Variants in SLC10A7 observed in about 807,000 individuals in gnomAD.
The protein encoded by SLC10A7 is sodium/bile acid cotransporter 7.
Under a neutral mutation model 43.2 loss-of-function variants are expected in SLC10A7, and 29 were observed. The ratio of observed to expected loss-of-function variants is 0.67; its 90% CI spans 0.50 to 0.92. The LOEUF (loss-of-function observed/expected upper bound fraction) is 0.92. SLC10A7 is among the 40% of genes least tolerant of loss of function. The pLI is 0.00. For missense variants in SLC10A7, 295 were observed against 403.2 expected, an observed-to-expected ratio of 0.73 and a Z score of 2.30; for synonymous variants, 152 against 144.8, an observed-to-expected ratio of 1.05 and a Z score of -0.35.
rs766088980 is a variant in SLC10A7, at chr4:146,521,601, A to G, written c.100+17T>C. ...AAGTGGGAGCCGCGGTGGAGCCGGCAGAGGTGCAGCACTTACCCCCATTCA... is the reference window on the plus strand; with the variant it reads ...AAGTGGGAGCCGCGGTGGAGCCGGCGGAGGTGCAGCACTTACCCCCATTCA... On this transcript the variant is annotated intron_variant, in intron 1 of 11. Coordinates refer to ENST00000335472, the MANE Select transcript of SLC10A7 (RefSeq NM_001029998.6). The G allele has an allele frequency of 5.0e-6, 8 of 1,602,974 alleles. No homozygotes were observed. Among genetic ancestry groups the G allele is most frequent in the Non-Finnish European group, 6.8e-6 (8 of 1,171,350 alleles).
At chr4:146,403,701 G>A (rs1199578618) in intron 5 of SLC10A7, among the ~76,000 whole-genome samples, 1 of 152,140 alleles carries the variant, frequency 6.6e-6, no homozygotes, top group African/African-American at 2.4e-5. Flanking sequence ...CAGCAAAGCA[G>A]TTATCATTGT....
intron 4 of SLC10A7, among the ~76,000 whole-genome samples, chr4:146,461,029 G>A (rs924267187): frequency 6.6e-6 from 1 of 151,910 alleles, no homozygotes; most frequent in South Asian, 2.1e-4. Flanking sequence ...AACTAAGAAA[G>A]ATTAAGCTTC....
chr4:146,279,112 G>A (rs1326483357), intron 10 of SLC10A7, among the ~76,000 whole-genome samples: 2 of 152,138 alleles, frequency 1.3e-5, no homozygotes, highest in African/African-American at 4.8e-5. Flanking sequence ...CAATTCAGAA[G>A]TACTTTTGGA....
chr4:146,490,763 TTCTA>T (rs1392991131), intron 4 of SLC10A7, among the ~76,000 whole-genome samples: 1 of 152,210 alleles, frequency 6.6e-6, no homozygotes, highest in African/African-American at 2.4e-5. Flanking sequence ...TATCATTTAA[TTCTA>T]TCCCCTCTTT....
intron 4 of SLC10A7, among the ~76,000 whole-genome samples, chr4:146,476,984 G>A (rs1219293880): frequency 1.3e-5 from 2 of 151,006 alleles, no homozygotes; most frequent in Non-Finnish European, 3.0e-5. Flanking sequence ...CCAGTTCTTT[G>A]TACAATAAGC....
intron 5 of SLC10A7, among the ~76,000 whole-genome samples, chr4:146,361,814 T>C (rs547072234): frequency 6.6e-6 from 1 of 152,250 alleles, no homozygotes; most frequent in Non-Finnish European, 1.5e-5. Context: ...AACAGCTGTC[T>C]TCAGGAAGCT....
At chr4:146,298,523 T>C (rs1343707440) in intron 7 of SLC10A7, among the ~76,000 whole-genome samples, 7 of 152,206 alleles carry the variant, frequency 4.6e-5, no homozygotes, top group Non-Finnish European at 1.5e-5. Context: ...ATATGCTTTT[T>C]TATTATTAAT....
chr4:146,375,068 T>C (rs563794296), intron 5 of SLC10A7, among the ~76,000 whole-genome samples: 1 of 152,190 alleles, frequency 6.6e-6, no homozygotes, highest in Admixed American at 6.5e-5. Context: ...TAACCAGGCA[T>C]GGTGGTGCAT....
chr4:146,439,281 C>G (rs149322109), intron 5 of SLC10A7, among the ~76,000 whole-genome samples: 2 of 151,962 alleles, frequency 1.3e-5, no homozygotes, highest in Non-Finnish European at 2.9e-5. Flanking sequence ...TAAATTAGAC[C>G]TGGGACATTA....
At chr4:146,377,256 G>T (rs1272448542) in intron 5 of SLC10A7, among the ~76,000 whole-genome samples, 3 of 152,186 alleles carry the variant, frequency 2.0e-5, no homozygotes, top group Non-Finnish European at 2.9e-5. Flanking sequence ...TAAAATCTCT[G>T]CATCCTTCAA....
chr4:146,510,133 G>C lies in SLC10A7; in HGVS notation c.184-84C>G, dbSNP rs958186854. On this transcript the variant is annotated intron_variant, in intron 2 of 11. Coordinates refer to ENST00000335472, the MANE Select transcript of SLC10A7 (RefSeq NM_001029998.6). ...TCCCTACTAAAATAACATCACATGA[G>C]TTAGTTCTTAATTTTGGGTTTTTTC... is the stretch of plus-strand genomic sequence containing the variant. 1.3e-4 allele frequency: 179 copies of C among 1,327,716 alleles called. 1 individual carries two copies. Among genetic ancestry groups the C allele is most frequent in the Middle Eastern group, 3.8e-4 (2 of 5,244 alleles). The allele number at this position is 1,327,716 out of a possible 1,614,324, so 82.2% of individuals were successfully genotyped here.
At chr4:146,398,838 C>G (rs1221883907) in intron 5 of SLC10A7, among the ~76,000 whole-genome samples, 1 of 152,184 alleles carries the variant, frequency 6.6e-6, no homozygotes, top group Non-Finnish European at 1.5e-5. Flanking sequence ...GGTTTTTGCT[C>G]TAGCTGAATC....
chr4:146,438,163 G>A (rs549815481), intron 5 of SLC10A7, among the ~76,000 whole-genome samples: 9 of 152,088 alleles, frequency 5.9e-5, no homozygotes, highest in African/African-American at 2.2e-4. Flanking sequence ...GGTAGTAACC[G>A]AGAACCAGCC....
intron 2 of SLC10A7, among the ~76,000 whole-genome samples, chr4:146,511,868 A>G (rs759680492): frequency 6.6e-6 from 1 of 152,072 alleles, no homozygotes; most frequent in Non-Finnish European, 1.5e-5. Flanking sequence ...AAATATACTC[A>G]GAGGCATTTG....
chr4:146,407,991 C>A (rs1414426223), intron 5 of SLC10A7, among the ~76,000 whole-genome samples: 1 of 152,124 alleles, frequency 6.6e-6, no homozygotes, highest in African/African-American at 2.4e-5. Context: ...CGTTTCTAAG[C>A]CAAATTCTGT....
chr4:146,343,072 T>C (rs1734377081), intron 5 of SLC10A7, among the ~76,000 whole-genome samples: 1 of 152,002 alleles, frequency 6.6e-6, no homozygotes, highest in South Asian at 2.1e-4. Context: ...TGCTTGTCAA[T>C]CAACTATTAT....
intron 5 of SLC10A7, among the ~76,000 whole-genome samples, chr4:146,374,593 A>T (rs575710205): frequency 1.8e-3 from 263 of 148,324 alleles, no homozygotes; most frequent in African/African-American, 4.3e-3. Context: ...TCTCAAAAAA[A>T]ATATATACAT....
At chr4:146,432,354 T>C (rs1206495383) in intron 5 of SLC10A7, among the ~76,000 whole-genome samples, 3 of 152,204 alleles carry the variant, frequency 2.0e-5, no homozygotes, top group Admixed American at 6.5e-5. Context: ...TTTATAATTA[T>C]CATCCAGGAA....
chr4:146,294,399 A>G (rs941702085), intron 7 of SLC10A7, among the ~76,000 whole-genome samples: 1 of 152,158 alleles, frequency 6.6e-6, no homozygotes, highest in African/African-American at 2.4e-5. Flanking sequence ...AACCTCCCCA[A>G]AGTTTATCTC....
Sources: allele counts gnomAD v4.1 joint callset (sites outside exome capture counted in the v4.1 genomes callset), GRCh38; gene constraint gnomAD v4.1.1; transcripts MANE v1.5; gene names NCBI Gene and HGNC (gene_info 2026-07-23, HGNC 2026-07-21).